CFAP36: variants seen among roughly 807,000 people sequenced by gnomAD.
CFAP36 encodes the protein cilia- and flagella-associated protein 36.
A neutral mutation model predicts 50.5 loss-of-function variants in CFAP36; 37 were observed. The observed-to-expected ratio is 0.73, with a 90% CI of 0.56 to 0.96. The LOEUF is 0.96. Among genes scored for constraint, CFAP36 ranks in the 50% least tolerant of loss-of-function variants. The pLI is 0.00. For synonymous variants in CFAP36, 138 were observed against 128.2 expected (o/e 1.08, Z -0.52); for missense variants, 407 against 396.2 (o/e 1.03, Z -0.23).
chr2:55,524,289 C>T (rs1020977484), intron 3 of CFAP36, among the ~76,000 whole-genome samples: 13 of 152,114 alleles, frequency 8.5e-5, no homozygotes, highest in Admixed American at 5.9e-4. Flanking sequence ...TGGGGTCTCA[C>T]TCTATTGCTC....
chr2:55,524,692 G>A (rs959298977), intron 3 of CFAP36, among the ~76,000 whole-genome samples: 1 of 152,008 alleles, frequency 6.6e-6, no homozygotes, highest in African/African-American at 2.4e-5. Context: ...TTAGAAATGA[G>A]GAAACCAGGC....
At chr2:55,539,031 G>T in intron 7 of CFAP36, 1 of 869,288 alleles carries the variant, frequency 1.2e-6, no homozygotes, top group Non-Finnish European at 1.6e-6. Context: ...TATAGTCCCT[G>T]CCCTAGTACA....
intron 3 of CFAP36, among the ~76,000 whole-genome samples, chr2:55,524,404 C>T (rs1463613258): frequency 6.7e-6 from 1 of 149,162 alleles, no homozygotes; most frequent in Non-Finnish European, 1.5e-5. Flanking sequence ...ACAGGTGCCG[C>T]ACCAGCACAC....
chr2:55,524,772 G>C (rs901152442), intron 3 of CFAP36, among the ~76,000 whole-genome samples: 1 of 151,574 alleles, frequency 6.6e-6, no homozygotes, highest in Admixed American at 6.6e-5. Flanking sequence ...ACCTGAGGTC[G>C]GGAGTTCGAG....
In CFAP36 at chr2:55,544,755, A is replaced by C. The variant is rs553427707; in HGVS notation, c.928-152A>C. 1.3e-4 allele frequency: 79 copies of C among 609,842 alleles called. 1 individual carries two copies. The South Asian group carries it at 1.6e-3, about 12-fold the overall frequency. 37.8% of individuals were successfully genotyped at this position (609,842 alleles called of 1,614,324 possible). ...GGTTCTCCAAGAAGAGACTTTACGA[A>C]GAAGAGATTTAGGAAACCTAGTCTA... On this transcript the variant is annotated intron_variant, in intron 9 of 9. Transcript: ENST00000349456.
intron 2 of CFAP36, among the ~76,000 whole-genome samples, chr2:55,522,744 C>T (rs975402345): frequency 9.9e-5 from 15 of 152,230 alleles, no homozygotes; most frequent in African/African-American, 3.4e-4. Flanking sequence ...CCTGGGCCTC[C>T]CAAAGTGTTG....
chr2:55,544,813 GC>G (rs1201768048), intron 9 of CFAP36, 93 bp from the exon 10 acceptor site: 3 of 715,158 alleles, frequency 4.2e-6, no homozygotes, highest in Non-Finnish European at 7.1e-6. Context: ...ACAAGAAGGT[GC>G]CCCCGATTTT....
intron 3 of CFAP36, among the ~76,000 whole-genome samples, chr2:55,526,349 G>A (rs540807377): frequency 1.3e-5 from 2 of 152,314 alleles, no homozygotes; most frequent in East Asian, 3.9e-4. Context: ...AGAAGAGGTT[G>A]CCTTGACTAC....
intron 3 of CFAP36, among the ~76,000 whole-genome samples, chr2:55,527,749 A>AC (rs1684247150): frequency 6.6e-6 from 1 of 152,118 alleles, no homozygotes; most frequent in Non-Finnish European, 1.5e-5. Flanking sequence ...ACATACCTTA[A>AC]CAAATTTAAA....
intron 2 of CFAP36, among the ~76,000 whole-genome samples, chr2:55,522,703 G>A (rs1314235581): frequency 6.6e-6 from 1 of 152,110 alleles, no homozygotes; most frequent in Non-Finnish European, 1.5e-5. Flanking sequence ...CCAGGCTGGT[G>A]TGGAACTCCA....
intron 3 of CFAP36, among the ~76,000 whole-genome samples, chr2:55,527,292 G>A (rs1684233665): frequency 6.6e-6 from 1 of 152,090 alleles, no homozygotes; most frequent in Non-Finnish European, 1.5e-5. Flanking sequence ...GAACTAAACA[G>A]CACCTTCAGG....
At chr2:55,523,248 C>CA (rs34360176) in intron 2 of CFAP36, among the ~76,000 whole-genome samples, 268 of 140,410 alleles carry the variant, frequency 1.9e-3, no homozygotes, top group African/African-American at 6.6e-3. Context: ...CCATCTCTAC[C>CA]AAAAAAAAAA....
At chr2:55,524,386 C>A (rs939786441) in intron 3 of CFAP36, among the ~76,000 whole-genome samples, 5 of 150,942 alleles carry the variant, frequency 3.3e-5, no homozygotes, top group Non-Finnish European at 7.4e-5. Context: ...TTCCTGGTAG[C>A]TGGGACTACA....
Position 55,522,144 on chromosome 2 carries a change from T to G in CFAP36, c.158T>G (p.Ile53Ser). ...EEESKLTYTE[I>S]HQEYKELVEK... is the part of the protein sequence containing the mutation. ...GAAAGCAAATTGACCTATACAGAGA[T>G]TCATCAGGAATACAAAGAACTAGTG... is the stretch of plus-strand genomic sequence containing the variant. The change falls in exon 2 of 10, where the codon ATT (isoleucine) becomes AGT (serine). Residue 53 changes from isoleucine to serine, a missense_variant. Transcript: ENST00000349456. The G allele has an allele frequency of 6.5e-7, 1 of 1,540,400 alleles. No homozygotes were observed.
chr2:55,545,006 T>C lies in CFAP36; in HGVS notation c.1027T>C (p.Ter343GlnextTer1). ...ACTCAAAGAAGAAGTTATTAATAAGTAATAATTAAGAACAATTTAACAAAA... is the reference window on the plus strand; with the variant it reads ...ACTCAAAGAAGAAGTTATTAATAAGCAATAATTAAGAACAATTTAACAAAA... ...EKLKEEVINK[*>Q] Residue 343 changes from the stop codon to glutamine (Q), a stop_lost, in exon 10 of 10, where the codon TAA becomes CAA. Coordinates refer to ENST00000349456, the MANE Select transcript of CFAP36 (RefSeq NM_080667.7). 3 of 1,525,222 alleles carry C rather than the reference T, an allele frequency of 2.0e-6. No homozygotes were observed. In the South Asian group the frequency reaches 3.6e-5, roughly 18 times the overall value. 94.5% of individuals were successfully genotyped at this position (1,525,222 alleles called of 1,614,324 possible).
At chr2:55,529,134 G>A in intron 4 of CFAP36, 142 bp downstream of exon 4, 1 of 640,166 alleles carries the variant, frequency 1.6e-6, no homozygotes, top group Non-Finnish European at 2.6e-6. Flanking sequence ...AGATTTTAGA[G>A]TATATGGCTG....
chr2:55,534,005 A>G (rs373556708), intron 5 of CFAP36, 45 bp downstream of exon 5: 36 of 1,189,478 alleles, frequency 3.0e-5, no homozygotes, highest in African/African-American at 1.8e-4. Context: ...TATTAATATT[A>G]TATGATCTGT....
chr2:55,536,519 C>A (rs959321596), intron 6 of CFAP36, among the ~76,000 whole-genome samples: 2 of 149,808 alleles, frequency 1.3e-5, no homozygotes, highest in African/African-American at 4.9e-5. Flanking sequence ...GGCGCAATCT[C>A]GGCTCACTGC....
At chr2:55,521,984 A>C in intron 1 of CFAP36, 118 bp from the exon 2 acceptor site, 2 of 580,958 alleles carry the variant, frequency 3.4e-6, no homozygotes, top group Non-Finnish European at 6.2e-6. Flanking sequence ...GATAAACCCT[A>C]AGAATTCAAA....
Sources: allele counts gnomAD v4.1 joint callset (sites outside exome capture counted in the v4.1 genomes callset), GRCh38; gene constraint gnomAD v4.1.1; transcripts MANE v1.5; gene names NCBI Gene and HGNC (gene_info 2026-07-23, HGNC 2026-07-21).